The following LRP1B variants were observed in gnomAD, a reference collection of about 807,000 sequenced individuals.
LRP1B encodes low-density lipoprotein receptor-related protein 1B.
A neutral mutation model predicts 556.6 loss-of-function variants in LRP1B; 217 were observed. The observed-to-expected ratio is 0.39, with a 90% confidence interval of 0.35 to 0.44. The LOEUF is 0.44. Ranked by LOEUF, LRP1B falls within the 20% of genes least tolerant of loss-of-function variation. The probability of loss-of-function intolerance (pLI) is 1.00; values close to 1 mark genes in which losing one functional copy is unlikely to be tolerated. For synonymous variants in LRP1B, 2,047 were observed against 1,865.8 expected (o/e 1.10, Z -2.50); for missense variants, 5,053 against 5,620.8 (o/e 0.90, Z 3.23).
chr2:140,763,504 T>A (rs1487954397), intron 35 of LRP1B, among the ~76,000 whole-genome samples: 2 of 152,160 alleles, frequency 1.3e-5, no homozygotes, highest in Non-Finnish European at 2.9e-5. Flanking sequence ...TGAAGTTTCA[T>A]GAGACTTGCC....
chr2:140,401,901 A>G (rs991199019), intron 66 of LRP1B, among the ~76,000 whole-genome samples: 1 of 152,210 alleles, frequency 6.6e-6, no homozygotes, highest in African/African-American at 2.4e-5. Flanking sequence ...GTTCACTACT[A>G]TTATAATCAG....
intron 3 of LRP1B, among the ~76,000 whole-genome samples, chr2:141,376,029 A>G (rs2104877426): frequency 6.6e-6 from 1 of 152,258 alleles, no homozygotes; most frequent in Non-Finnish European, 1.5e-5. Context: ...AGCAGTCCAT[A>G]GTAGGGCAGT....
intron 7 of LRP1B, among the ~76,000 whole-genome samples, chr2:141,098,736 A>G (rs1469019047): frequency 1.3e-5 from 2 of 152,104 alleles, no homozygotes; most frequent in African/African-American, 2.4e-5. Flanking sequence ...TGGCTCACTG[A>G]AACCTCTGCC....
chr2:140,802,995 C>T (rs1690568037), intron 32 of LRP1B, among the ~76,000 whole-genome samples: 1 of 152,164 alleles, frequency 6.6e-6, no homozygotes, highest in East Asian at 1.9e-4. Context: ...TGTCTCTCCT[C>T]TAGGTCTCTT....
intron 32 of LRP1B, among the ~76,000 whole-genome samples, chr2:140,788,162 T>G (rs1689974417): frequency 1.3e-5 from 2 of 152,178 alleles, no homozygotes; most frequent in African/African-American, 4.8e-5. Context: ...TTTAGTCAAA[T>G]GGCTCAAATG....
intron 1 of LRP1B, among the ~76,000 whole-genome samples, chr2:141,865,074 G>T (rs944047433): frequency 6.6e-6 from 1 of 152,102 alleles, no homozygotes; most frequent in Non-Finnish European, 1.5e-5. Flanking sequence ...CATATTAAAT[G>T]CTACCCTTCC....
intron 84 of LRP1B, among the ~76,000 whole-genome samples, chr2:140,291,202 G>T (rs1683356511): frequency 6.7e-6 from 1 of 148,926 alleles, no homozygotes; most frequent in East Asian, 2.0e-4. Context: ...TTCCCTCTTT[G>T]CATATGCTGT....
In LRP1B at chr2:140,700,332, G is replaced by A. The variant is rs149668222; in HGVS notation, c.6717C>T (p.Asn2239=). 1.2e-6 allele frequency: 2 copies of A among 1,612,734 alleles called. No homozygotes were observed. The highest frequency in any genetic ancestry group is 1.7e-6 in the Non-Finnish European group (2 of 1,179,306). The change falls in exon 41 of 91, where the codon AAC becomes AAT. Residue 2239 remains asparagine (N), a synonymous_variant. Transcript: ENST00000389484. ...AGTGTGCATCACTGTAAAAGATTCG[G>A]TTGGTACCTTTTCTTCTTTGATTAT... ...FDYNQRRKGT[N]RIFYSDAHFG...
intron 2 of LRP1B, among the ~76,000 whole-genome samples, chr2:141,561,741 T>C (rs1293653844): frequency 6.6e-6 from 1 of 151,910 alleles, no homozygotes; most frequent in East Asian, 1.9e-4. Context: ...TTACATGTTA[T>C]AGTACAAAGA....
At chr2:141,166,509 C>T (rs1178103907) in intron 7 of LRP1B, among the ~76,000 whole-genome samples, 1 of 151,566 alleles carries the variant, frequency 6.6e-6, no homozygotes, top group Non-Finnish European at 1.5e-5. Flanking sequence ...TCACTTCAAG[C>T]ATTTATCATT....
intron 3 of LRP1B, among the ~76,000 whole-genome samples, chr2:141,302,424 T>C (rs1189621158): frequency 6.6e-6 from 1 of 152,098 alleles, no homozygotes; most frequent in African/African-American, 2.4e-5. Flanking sequence ...TTATAACTCT[T>C]TTGTTCCTAA....
At chr2:141,019,570 C>A (rs1397744392) in intron 12 of LRP1B, among the ~76,000 whole-genome samples, 3 of 151,940 alleles carry the variant, frequency 2.0e-5, no homozygotes, top group Admixed American at 2.0e-4. Context: ...TTTTTGAATA[C>A]ACTAAATTTC....
At chr2:142,090,324 A>G (rs1706118164) in intron 1 of LRP1B, among the ~76,000 whole-genome samples, 1 of 152,122 alleles carries the variant, frequency 6.6e-6, no homozygotes, top group Non-Finnish European at 1.5e-5. Flanking sequence ...CTCTTCACCT[A>G]TGTTATATCT....
chr2:141,121,292 G>A (rs921197181), intron 7 of LRP1B, among the ~76,000 whole-genome samples: 7 of 152,162 alleles, frequency 4.6e-5, no homozygotes, highest in African/African-American at 1.4e-4. Flanking sequence ...TAACACAGTA[G>A]ACTATGTATG....
chr2:140,378,989 G>GA (rs1348378366), intron 67 of LRP1B, among the ~76,000 whole-genome samples: 4 of 152,192 alleles, frequency 2.6e-5, no homozygotes, highest in Non-Finnish European at 5.9e-5. Flanking sequence ...ACATAGTAAT[G>GA]ACTTACTACT....
intron 1 of LRP1B, among the ~76,000 whole-genome samples, chr2:141,932,184 CAG>C (rs1700526904): frequency 6.6e-6 from 1 of 152,008 alleles, no homozygotes; most frequent in Non-Finnish European, 1.5e-5. Context: ...CACTAAGATG[CAG>C]ATATATCAGT....
intron 2 of LRP1B, among the ~76,000 whole-genome samples, chr2:141,733,381 T>G (rs2105523398): frequency 6.6e-6 from 1 of 152,224 alleles, no homozygotes. Context: ...CACAAAACTA[T>G]CACTCTGATA....
chr2:141,261,805 G>C (rs979933441), intron 3 of LRP1B, among the ~76,000 whole-genome samples: 5 of 152,042 alleles, frequency 3.3e-5, no homozygotes, highest in Non-Finnish European at 7.4e-5. Context: ...ACACACATTT[G>C]AGTTGTTTCC....
intron 3 of LRP1B, among the ~76,000 whole-genome samples, chr2:141,457,308 G>T (rs1681671726): frequency 6.6e-6 from 1 of 152,016 alleles, no homozygotes; most frequent in African/African-American, 2.4e-5. Flanking sequence ...ATAGATTAGG[G>T]TAAAATATGA....
Sources: gnomAD v4.1 joint callset for allele counts (sites outside exome capture counted in the v4.1 genomes callset) on GRCh38, gnomAD v4.1.1 for gene constraint, MANE v1.5 for transcripts, NCBI Gene and HGNC (gene_info 2026-07-23, HGNC 2026-07-21) for gene names.